SUZ12: variants seen among roughly 807,000 people sequenced by gnomAD.
The protein encoded by SUZ12 is polycomb protein SUZ12.
Under a neutral mutation model 87.3 loss-of-function variants are expected in SUZ12, and 17 were observed. That is an observed-to-expected ratio of 0.19 (90% CI 0.13 to 0.29). The LOEUF is 0.29. SUZ12 is among the 10% of genes least tolerant of loss of function. The pLI is 1.00. For missense variants in SUZ12, 526 were observed against 912.2 expected, an observed-to-expected ratio of 0.58 and a Z score of 5.45; for synonymous variants, 253 against 312.4, an observed-to-expected ratio of 0.81 and a Z score of 2.01.
chr17:31,943,295 T>C (rs116294452), intron 3 of SUZ12, among the ~76,000 whole-genome samples: 4,625 of 152,290 alleles, frequency 0.03, 248 homozygotes, highest in African/African-American at 0.11. Context: ...TTTTAGGCTT[T>C]GCGGCCAGGG....
chr17:31,946,054 T>C (rs1353116300), intron 3 of SUZ12, among the ~76,000 whole-genome samples: 2 of 152,188 alleles, frequency 1.3e-5, no homozygotes, highest in African/African-American at 2.4e-5. Context: ...AACTTTAATA[T>C]TGAAGTTTTC....
chr17:31,965,390 T>C (rs1203423524), intron 4 of SUZ12, among the ~76,000 whole-genome samples: 1 of 152,232 alleles, frequency 6.6e-6, no homozygotes, highest in Non-Finnish European at 1.5e-5. Context: ...CAAAAGCTTA[T>C]TGATGCTTCT....
Position 31,937,224 on chromosome 17 carries a change from G to T in SUZ12, c.-23G>T. 1.4e-6 allele frequency: 2 copies of T among 1,397,748 alleles called. No individual in the cohort carries two copies. The highest frequency in any genetic ancestry group is 1.8e-6 in the Non-Finnish European group (2 of 1,086,552). The allele number at this position is 1,397,748 out of a possible 1,614,324, so 86.6% of individuals were successfully genotyped here. A position where few individuals can be genotyped will look rare whatever the true frequency, so the allele number is the denominator to read the frequency against. ...CGGGGCCGCCCGGCGGGTAGCTGGC[G>T]GGGGGAGGAGGCAGGAACCGCGATG... On this transcript the variant is annotated 5_prime_UTR_variant, in exon 1 of 16. Transcript: ENST00000322652.
intron 4 of SUZ12, among the ~76,000 whole-genome samples, chr17:31,949,562 A>G (rs546986581): frequency 7.3e-6 from 1 of 137,904 alleles, no homozygotes; most frequent in Non-Finnish European, 1.5e-5. Flanking sequence ...CAGTGGTGCT[A>G]TCTCAGCTCA....
At chr17:31,972,020 A>G (rs930678859) in intron 5 of SUZ12, among the ~76,000 whole-genome samples, 2 of 152,076 alleles carry the variant, frequency 1.3e-5, no homozygotes, top group African/African-American at 4.8e-5. Flanking sequence ...GTGGTGGCTC[A>G]CACCTGTAAT....
intron 4 of SUZ12, among the ~76,000 whole-genome samples, chr17:31,952,892 T>C (rs2142137605): frequency 6.6e-6 from 1 of 152,254 alleles, no homozygotes; most frequent in Middle Eastern, 3.4e-3. Context: ...GTAACAACTC[T>C]TGAGTGCTGA....
chr17:31,953,409 C>G (rs2142138263), intron 4 of SUZ12, among the ~76,000 whole-genome samples: 1 of 152,116 alleles, frequency 6.6e-6, no homozygotes, highest in Non-Finnish European at 1.5e-5. Flanking sequence ...CCATGCCTGG[C>G]TTTATTTTTA....
chr17:31,939,955 A>G (rs1297539593), intron 1 of SUZ12, among the ~76,000 whole-genome samples: 1 of 152,198 alleles, frequency 6.6e-6, no homozygotes, highest in Non-Finnish European at 1.5e-5. Context: ...ATCGGTAATA[A>G]ATAGTTTAAA....
At chr17:31,949,679 T>TTTG (rs1906842145) in intron 4 of SUZ12, among the ~76,000 whole-genome samples, 18 of 54,164 alleles carry the variant, frequency 3.3e-4, no homozygotes, top group African/African-American at 1.8e-3. Context: ...CCCCCCCCTT[T>TTTG]TTTTTTTTTT....
Position 31,988,325 on chromosome 17 carries a change from G to A in SUZ12, c.1029G>A (p.Leu343=), listed in dbSNP as rs1273561670. The change falls in exon 10 of 16, where the codon CTG becomes CTA. Residue 343 remains leucine (L), a synonymous_variant. Coordinates refer to ENST00000322652, the MANE Select transcript of SUZ12 (RefSeq NM_015355.4). ...TWETILDGKR[L]PPFETFSQGP... Reference sequence around the variant, plus strand: ...GCATGTTTTTTATTTTTTAGAGGCTGCCTCCATTCGAAACATTTTCTCAGG... The same window carrying A: ...GCATGTTTTTTATTTTTTAGAGGCTACCTCCATTCGAAACATTTTCTCAGG... The A allele has an allele frequency of 1.9e-6, 3 of 1,551,680 alleles. No homozygotes were observed. Among genetic ancestry groups the A allele is most frequent in the Admixed American group, 2.1e-5 (1 of 46,566 alleles).
intron 8 of SUZ12, among the ~76,000 whole-genome samples, chr17:31,979,103 CAAAAAAAAAAAAA>C (rs61307349): frequency 3.1e-5 from 2 of 65,252 alleles, no homozygotes; most frequent in Middle Eastern, 8.8e-3. Flanking sequence ...ACTGTGTCTC[CAAAAAAAAAAAAA>C]AAAAAAAAAG....
intron 4 of SUZ12, among the ~76,000 whole-genome samples, chr17:31,959,356 G>T (rs2449783): frequency 2.0e-5 from 3 of 152,194 alleles, no homozygotes; most frequent in East Asian, 1.9e-4. Flanking sequence ...TCCTTTGTTT[G>T]CTTCACAGTA....
chr17:31,962,307 C>T (rs1907775297), intron 4 of SUZ12, among the ~76,000 whole-genome samples: 1 of 151,936 alleles, frequency 6.6e-6, no homozygotes, highest in South Asian at 2.1e-4. Context: ...AAACCTTAAA[C>T]AGGCCAGGCG....
At chr17:31,982,209 C>G (rs1909151238) in intron 8 of SUZ12, among the ~76,000 whole-genome samples, 1 of 152,118 alleles carries the variant, frequency 6.6e-6, no homozygotes, top group Admixed American at 6.5e-5. Flanking sequence ...CCCCAGAATT[C>G]CGTAGTTACC....
In SUZ12 at chr17:31,976,549, A is replaced by G. The variant is rs749113642; in HGVS notation, c.852A>G (p.Arg284=). 6.8e-6 allele frequency: 11 copies of G among 1,613,224 alleles called. No individual in the cohort carries two copies. Among genetic ancestry groups the G allele is most frequent in the Non-Finnish European group, 6.8e-6 (8 of 1,179,554 alleles). ...TCAATGAAGAGCTTCCAGCCAGAAG[A>G]AAACGAAATCGTGAGGATGGGGAAA... ...IDVNEELPAR[R]KRNREDGEKT... The change falls in exon 8 of 16, where the codon AGA becomes AGG. Residue 284 remains arginine, a synonymous_variant. Coordinates refer to ENST00000322652, the MANE Select transcript of SUZ12 (RefSeq NM_015355.4).
At chr17:31,946,471 G>T (rs1906643500) in intron 3 of SUZ12, among the ~76,000 whole-genome samples, 4 of 152,200 alleles carry the variant, frequency 2.6e-5, no homozygotes, top group Admixed American at 2.6e-4. Context: ...GGTGGAGGTT[G>T]CAGTGAGCCG....
intron 5 of SUZ12, chr17:31,966,837 T>G (rs1908118935): frequency 6.6e-6 from 1 of 152,240 alleles, no homozygotes; most frequent in African/African-American, 2.4e-5. Flanking sequence ...TATGGTATAT[T>G]ACTCCAGTAA....
chr17:31,940,871 G>A (rs1354771494), intron 3 of SUZ12, among the ~76,000 whole-genome samples: 3 of 151,916 alleles, frequency 2.0e-5, no homozygotes, highest in South Asian at 2.1e-4. Flanking sequence ...TTAGCTGGGC[G>A]TGGTGGTGTG....
intron 4 of SUZ12, among the ~76,000 whole-genome samples, chr17:31,955,900 A>ATAT (rs939295584): frequency 5.9e-5 from 9 of 151,520 alleles, no homozygotes; most frequent in East Asian, 5.9e-4. Flanking sequence ...TTAAAGTTGT[A>ATAT]TATTATTATT....
Sources: allele counts gnomAD v4.1 joint callset (sites outside exome capture counted in the v4.1 genomes callset), GRCh38; gene constraint gnomAD v4.1.1; transcripts MANE v1.5; gene names NCBI Gene and HGNC (gene_info 2026-07-23, HGNC 2026-07-21).